Variants in PARD3B observed in about 807,000 individuals in gnomAD.
The protein encoded by PARD3B is partitioning defective 3 homolog B.
A neutral mutation model predicts 130.2 loss-of-function variants in PARD3B; 103 were observed. The ratio of observed to expected loss-of-function variants is 0.79; its 90% CI spans 0.67 to 0.93. The LOEUF is 0.93. Ranked by LOEUF, PARD3B falls within the 40% of genes least tolerant of loss-of-function variation. The pLI, the probability that PARD3B is intolerant of heterozygous loss-of-function variation, is 0.00. For missense variants in PARD3B, 1,609 were observed against 1,499.2 expected (o/e 1.07, Z -1.21); for synonymous variants, 583 against 553.2 (o/e 1.05, Z -0.76).
intron 10 of PARD3B, among the ~76,000 whole-genome samples, chr2:205,154,301 C>T (rs1413186373): frequency 6.6e-6 from 1 of 152,206 alleles, no homozygotes; most frequent in Non-Finnish European, 1.5e-5. Context: ...AAAACATGCT[C>T]ATCATCACTG....
chr2:205,368,070 G>A (rs1328627287), intron 18 of PARD3B, among the ~76,000 whole-genome samples: 2 of 152,156 alleles, frequency 1.3e-5, no homozygotes, highest in Non-Finnish European at 2.9e-5. Flanking sequence ...ACGTCTGTGT[G>A]ATGAAATGCA....
chr2:205,007,086 A>T (rs561446235), intron 3 of PARD3B, among the ~76,000 whole-genome samples: 1 of 152,116 alleles, frequency 6.6e-6, no homozygotes, highest in Non-Finnish European at 1.5e-5. Flanking sequence ...AGTTTCCCTC[A>T]TGCTGTTCTC....
chr2:204,670,641 C>T (rs553916872), intron 1 of PARD3B, among the ~76,000 whole-genome samples: 31 of 152,198 alleles, frequency 2.0e-4, no homozygotes, highest in African/African-American at 7.5e-4. Flanking sequence ...TATTTTATAG[C>T]TATAACTCAA....
intron 2 of PARD3B, among the ~76,000 whole-genome samples, chr2:204,918,566 C>T (rs370421353): frequency 0.014 from 2,098 of 147,124 alleles, 39 homozygotes; most frequent in African/African-American, 0.05. Context: ...GGAGGCGGAG[C>T]TTGCAGTGAG....
In PARD3B at chr2:205,377,196, T is replaced by A. The variant is rs568120326; in HGVS notation, c.2631-23817T>A. Among the ~76,000 whole-genome samples the A allele has an allele frequency of 2.6e-5, 4 of 152,242 alleles. No homozygotes were observed. In the East Asian group the frequency reaches 7.7e-4, roughly 29 times the overall value. On this transcript the variant is annotated intron_variant, in intron 18 of 22. Coordinates refer to ENST00000406610, the MANE Select transcript of PARD3B (RefSeq NM_001302769.2). ...GAGGAAAGGATTTAGTGAAAGGAAATGCAACCTTAGTTAGAAGGAAGAGAG... is the reference window on the plus strand; with the variant it reads ...GAGGAAAGGATTTAGTGAAAGGAAAAGCAACCTTAGTTAGAAGGAAGAGAG...
In PARD3B at chr2:204,607,171, TATATG is replaced by T. The variant is rs2033752562; in HGVS notation, c.120+61056_120+61060del. Among the ~76,000 whole-genome samples, 4 of 152,318 alleles carry T rather than the reference TATATG, an allele frequency of 2.6e-5. 1 individual carries two copies. In the South Asian group the frequency reaches 8.3e-4, roughly 32 times the overall value. On this transcript the variant is annotated intron_variant, in intron 1 of 22. Coordinates refer to ENST00000406610, the MANE Select transcript of PARD3B (RefSeq NM_001302769.2). ...GCAAAATGGAAAGATATCCCATAAA[TATATG>T]ATAATATTCAGTGCCTCAAAGTTTA... is the stretch of plus-strand genomic sequence containing the variant.
At chr2:204,933,490 A>G (rs886088593) in intron 2 of PARD3B, among the ~76,000 whole-genome samples, 1 of 152,332 alleles carries the variant, frequency 6.6e-6, no homozygotes, top group South Asian at 2.1e-4. Context: ...TATGTAGAAC[A>G]TATTAACAGT....
At position 205,040,682 on chromosome 2, in the gene PARD3B, T is replaced by C. The variant is rs187896878; in HGVS notation, c.395-6899T>C. On this transcript the variant is annotated intron_variant, in intron 3 of 22. Transcript: ENST00000406610. ...TCTCTTCTCTAATTTGCAAGAACTT[T>C]AGCCACTTGCAGTTTACTTTCATCA... Among the ~76,000 whole-genome samples, 552 of 152,312 alleles carry C rather than the reference T, an allele frequency of 3.6e-3. 3 individuals are homozygous for C. Among genetic ancestry groups the C allele is most frequent in the Non-Finnish European group, 5.3e-3 (362 of 68,016 alleles).
chr2:204,715,952 T>A (rs1445922133), intron 2 of PARD3B, among the ~76,000 whole-genome samples: 2 of 152,194 alleles, frequency 1.3e-5, no homozygotes, highest in African/African-American at 4.8e-5. Flanking sequence ...CACAGATTCA[T>A]AGGCCTCAAC....
At chr2:204,663,133 G>A (rs1385444838) in intron 1 of PARD3B, among the ~76,000 whole-genome samples, 2 of 152,134 alleles carry the variant, frequency 1.3e-5, no homozygotes, top group African/African-American at 2.4e-5. Flanking sequence ...GTAGACATGA[G>A]CTTAATCCAA....
intron 2 of PARD3B, among the ~76,000 whole-genome samples, chr2:204,901,177 C>G (rs1000271948): frequency 3.9e-5 from 6 of 152,118 alleles, no homozygotes; most frequent in Admixed American, 6.6e-5. Flanking sequence ...TTGTGTCCTT[C>G]CCTTCAGGGC....
intron 22 of PARD3B, among the ~76,000 whole-genome samples, chr2:205,583,675 G>A (rs1343736760): frequency 6.6e-6 from 1 of 152,124 alleles, no homozygotes; most frequent in African/African-American, 2.4e-5. Flanking sequence ...AGTCCCAAAT[G>A]CAACCAAAAT....
At chr2:205,431,499 T>G (rs1176612487) in intron 19 of PARD3B, among the ~76,000 whole-genome samples, 2 of 152,116 alleles carry the variant, frequency 1.3e-5, no homozygotes, top group African/African-American at 4.8e-5. Context: ...AGACAGAGTC[T>G]TGCACTGTTG....
chr2:205,168,320 A>AGAGAGAGAGAGAGAGGGAGT (rs371904121), intron 11 of PARD3B, among the ~76,000 whole-genome samples: 1 of 119,694 alleles, frequency 8.4e-6, no homozygotes, highest in Non-Finnish European at 1.7e-5. Flanking sequence ...AGAGAGAGAG[A>AGAGAGAGAGAGAGAGGGAGT]GTGTGTGTGT....
At chr2:204,778,731 C>G (rs554763806) in intron 2 of PARD3B, among the ~76,000 whole-genome samples, 3 of 152,258 alleles carry the variant, frequency 2.0e-5, no homozygotes, top group African/African-American at 7.2e-5. Context: ...TAACTGCCAT[C>G]ATGCTAGTCC....
intron 3 of PARD3B, among the ~76,000 whole-genome samples, chr2:204,999,045 G>A (rs1033011864): frequency 6.6e-6 from 1 of 151,360 alleles, no homozygotes; most frequent in Non-Finnish European, 1.5e-5. Context: ...ATCTCAAACT[G>A]GCAATAAAGT....
chr2:205,054,678 G>C (rs1699523505), intron 4 of PARD3B, among the ~76,000 whole-genome samples: 1 of 151,164 alleles, frequency 6.6e-6, no homozygotes, highest in Non-Finnish European at 1.5e-5. Flanking sequence ...AAAACTGAAT[G>C]GGTTTTGTTT....
chr2:204,547,466 A>T (rs1258111830), intron 1 of PARD3B, among the ~76,000 whole-genome samples: 1 of 152,168 alleles, frequency 6.6e-6, no homozygotes, highest in African/African-American at 2.4e-5. Flanking sequence ...ATCAACTGCA[A>T]TGTTATGTGT....
intron 21 of PARD3B, among the ~76,000 whole-genome samples, chr2:205,507,876 G>C (rs1355438526): frequency 6.6e-6 from 1 of 152,136 alleles, no homozygotes; most frequent in Non-Finnish European, 1.5e-5. Flanking sequence ...AATTCACTTT[G>C]TCTATTGGTT....
Sources: allele counts gnomAD v4.1 joint callset (sites outside exome capture counted in the v4.1 genomes callset), GRCh38; gene constraint gnomAD v4.1.1; transcripts MANE v1.5; gene names NCBI Gene and HGNC (gene_info 2026-07-23, HGNC 2026-07-21).